IMMP2L: variants seen among roughly 807,000 people sequenced by gnomAD.
IMMP2L encodes inner mitochondrial membrane peptidase subunit 2, also known as mitochondrial inner membrane protease subunit 2.
A neutral mutation model predicts 19.3 loss-of-function variants in IMMP2L; 18 were observed. The observed-to-expected ratio is 0.93, with a 90% CI of 0.64 to 1.38. The LOEUF (loss-of-function observed/expected upper bound fraction) is 1.38. Ranked by LOEUF, IMMP2L falls within the 40% of genes most tolerant of loss-of-function variation. The pLI is 0.00. For synonymous variants in IMMP2L, 76 were observed against 73.0 expected (o/e 1.04, Z -0.21); for missense variants, 233 against 218.2 (o/e 1.07, Z -0.43).
At chr7:111,285,165 A>G (rs1820352658) in intron 3 of IMMP2L, among the ~76,000 whole-genome samples, 1 of 152,178 alleles carries the variant, frequency 6.6e-6, no homozygotes, top group Admixed American at 6.5e-5. Context: ...AGTGTGGCAT[A>G]TGAGGAGGAA....
intron 3 of IMMP2L, among the ~76,000 whole-genome samples, chr7:111,002,268 A>C (rs2129561479): frequency 6.6e-6 from 1 of 152,298 alleles, no homozygotes; most frequent in South Asian, 2.1e-4. Context: ...CAGAGGGATA[A>C]GTAAGCCTGC....
chr7:111,158,699 ATT>A (rs1285904749), intron 3 of IMMP2L, among the ~76,000 whole-genome samples: 3 of 152,156 alleles, frequency 2.0e-5, no homozygotes, highest in Non-Finnish European at 4.4e-5. Context: ...ACAAATACAT[ATT>A]GTGTTGAATA....
intron 4 of IMMP2L, among the ~76,000 whole-genome samples, chr7:110,952,155 A>G (rs1230192538): frequency 6.6e-6 from 1 of 152,176 alleles, no homozygotes; most frequent in African/African-American, 2.4e-5. Flanking sequence ...GAAAAAAAAC[A>G]TAAATTAATA....
chr7:110,930,844 AC>A (rs1309131492), intron 4 of IMMP2L, among the ~76,000 whole-genome samples: 1 of 152,168 alleles, frequency 6.6e-6, no homozygotes, highest in African/African-American at 2.4e-5. Context: ...CTTCAATTAT[AC>A]CCTAAGTTCA....
chr7:110,943,184 T>C (rs964643614), intron 4 of IMMP2L, among the ~76,000 whole-genome samples: 3 of 152,024 alleles, frequency 2.0e-5, no homozygotes, highest in Non-Finnish European at 4.4e-5. Flanking sequence ...ATGACTACTG[T>C]GCAGGAAAAT....
chr7:111,148,072 A>T (rs1803674069), intron 3 of IMMP2L, among the ~76,000 whole-genome samples: 1 of 152,114 alleles, frequency 6.6e-6, no homozygotes, highest in Admixed American at 6.6e-5. Flanking sequence ...TCATAGTAAC[A>T]TTATTCATAT....
At chr7:110,912,692 T>C (rs532228919) in intron 4 of IMMP2L, among the ~76,000 whole-genome samples, 19 of 152,136 alleles carry the variant, frequency 1.2e-4, no homozygotes, top group African/African-American at 4.6e-4. Context: ...ACAATGCCCA[T>C]GTAAAAACAA....
At chr7:111,538,502 CAG>C (rs1385979007) in intron 1 of IMMP2L, among the ~76,000 whole-genome samples, 1 of 151,652 alleles carries the variant, frequency 6.6e-6, no homozygotes. Context: ...TAAATATACA[CAG>C]AAAGAAATAT....
intron 5 of IMMP2L, among the ~76,000 whole-genome samples, chr7:110,828,633 T>C (rs148542871): frequency 2.1e-4 from 32 of 152,222 alleles, no homozygotes; most frequent in African/African-American, 4.6e-4. Context: ...AAAAGAAATG[T>C]ATATGTCAAA....
chr7:110,738,854 A>G (rs1227075917), intron 5 of IMMP2L, among the ~76,000 whole-genome samples: 1 of 152,250 alleles, frequency 6.6e-6, no homozygotes, highest in Non-Finnish European at 1.5e-5. Flanking sequence ...TATCAGATTA[A>G]CAGCAGATTT....
At chr7:110,707,127 G>GTA (rs1181105562) in intron 5 of IMMP2L, among the ~76,000 whole-genome samples, 2 of 92,254 alleles carry the variant, frequency 2.2e-5, no homozygotes, top group Non-Finnish European at 4.4e-5. Flanking sequence ...CTAGCATTAG[G>GTA]TATATCTCCC....
intron 4 of IMMP2L, among the ~76,000 whole-genome samples, chr7:110,926,211 G>C (rs1337930153): frequency 6.6e-6 from 1 of 151,988 alleles, no homozygotes; most frequent in African/African-American, 2.4e-5. Flanking sequence ...ATTCAGGTGA[G>C]AAAATTCCTT....
intron 3 of IMMP2L, among the ~76,000 whole-genome samples, chr7:111,339,226 T>C (rs1383849023): frequency 6.6e-6 from 1 of 151,964 alleles, no homozygotes; most frequent in Admixed American, 6.6e-5. Flanking sequence ...TCAGAAATTA[T>C]AATGCTTAGA....
chr7:110,924,619 G>A lies in IMMP2L; in HGVS notation c.306-37924C>T, dbSNP rs1039739175. 6.6e-6 allele frequency among the ~76,000 whole-genome samples: 1 copy of A among 152,174 alleles called. No homozygotes were observed. The highest frequency in any genetic ancestry group is 1.5e-5 in the Non-Finnish European group (1 of 68,022). ...TCTCAAGTTAGAGAAAAAATAAGTA[G>A]ATAATTGGATGTCTAATTTTTTTCT... On this transcript the variant is annotated intron_variant, in intron 4 of 5. Coordinates refer to ENST00000405709, the MANE Select transcript of IMMP2L (RefSeq NM_032549.4). The surrounding 1 kb of genome is among the most constrained non-coding windows in gnomAD (Gnocchi z 4.2).
At chr7:111,232,024 G>A (rs1410867894) in intron 3 of IMMP2L, among the ~76,000 whole-genome samples, 2 of 151,832 alleles carry the variant, frequency 1.3e-5, no homozygotes. Context: ...TTCATACATA[G>A]AGACTTAGTA....
chr7:110,888,999 T>A (rs935770532), intron 4 of IMMP2L, among the ~76,000 whole-genome samples: 1 of 152,198 alleles, frequency 6.6e-6, no homozygotes, highest in Admixed American at 6.5e-5. Flanking sequence ...GGGAAGTACA[T>A]AGGTTCTGGA....
At chr7:110,706,345 C>G (rs560368276) in intron 5 of IMMP2L, among the ~76,000 whole-genome samples, 4 of 152,308 alleles carry the variant, frequency 2.6e-5, no homozygotes, top group African/African-American at 9.6e-5. Flanking sequence ...CCCCAGCAAT[C>G]CTTCCACCTT....
At chr7:110,704,005 C>G (rs570886068) in intron 5 of IMMP2L, among the ~76,000 whole-genome samples, 134 of 152,060 alleles carry the variant, frequency 8.8e-4, no homozygotes, top group African/African-American at 3.1e-3. Flanking sequence ...GCCACCACAC[C>G]CGGCTAATTT....
chr7:110,964,651 T>C (rs1819344959), intron 3 of IMMP2L, among the ~76,000 whole-genome samples: 1 of 152,072 alleles, frequency 6.6e-6, no homozygotes, highest in Non-Finnish European at 1.5e-5. Flanking sequence ...CTTTCCAGAC[T>C]GTGATAGGAT....
Sources: allele counts gnomAD v4.1 joint callset (sites outside exome capture counted in the v4.1 genomes callset), GRCh38; gene constraint gnomAD v4.1.1; non-coding constraint Gnocchi (gnomAD v3.1); transcripts MANE v1.5; gene names NCBI Gene and HGNC (gene_info 2026-07-23, HGNC 2026-07-21).